MAGI1: variants seen among roughly 807,000 people sequenced by gnomAD.
The protein encoded by MAGI1 is membrane-associated guanylate kinase, WW and PDZ domain-containing protein 1.
MAGI1 carries 58 observed loss-of-function variants against 139.9 expected under a neutral mutation model. That is an observed-to-expected ratio of 0.41 (90% confidence interval 0.34 to 0.52). The LOEUF is 0.52. MAGI1 is among the 20% of genes least tolerant of loss of function. The pLI is 0.12. For synonymous variants in MAGI1, 812 were observed against 737.9 expected (o/e 1.10, Z -1.63); for missense variants, 1,874 against 1,901.6 (o/e 0.99, Z 0.27).
intron 1 of MAGI1, among the ~76,000 whole-genome samples, chr3:65,888,184 C>A (rs2060605617): frequency 6.6e-6 from 1 of 152,142 alleles, no homozygotes; most frequent in African/African-American, 2.4e-5. Flanking sequence ...GTGTGAAGGC[C>A]CTGAACTTCA....
intron 1 of MAGI1, among the ~76,000 whole-genome samples, chr3:65,693,127 T>C (rs1440001647): frequency 6.6e-6 from 1 of 152,134 alleles, no homozygotes; most frequent in Admixed American, 6.5e-5. Context: ...AAAATTTTTA[T>C]ACAGATGGGG....
chr3:65,532,400 C>T (rs892979577), intron 2 of MAGI1, among the ~76,000 whole-genome samples: 13 of 152,294 alleles, frequency 8.5e-5, no homozygotes, highest in African/African-American at 2.2e-4. Context: ...CCCGTGCTTT[C>T]GAACACTCAA....
intron 2 of MAGI1, among the ~76,000 whole-genome samples, chr3:65,500,472 A>G (rs1187350865): frequency 1.3e-5 from 2 of 152,208 alleles, no homozygotes; most frequent in Admixed American, 1.3e-4. Context: ...CTGGCTTCAG[A>G]GACTCCTGCT....
At chr3:65,512,774 GAA>G (rs1415103916) in intron 2 of MAGI1, among the ~76,000 whole-genome samples, 2 of 147,928 alleles carry the variant, frequency 1.4e-5, no homozygotes, top group African/African-American at 5.0e-5. Context: ...CCAATCAATA[GAA>G]AAAGAGGGAA....
chr3:65,629,107 C>T (rs1335822850), intron 1 of MAGI1, among the ~76,000 whole-genome samples: 1 of 152,074 alleles, frequency 6.6e-6, no homozygotes, highest in Non-Finnish European at 1.5e-5. Flanking sequence ...TTACCAGAAG[C>T]ATCTTTTCAA....
chr3:65,422,455 G>C (rs1049089992), intron 12 of MAGI1, among the ~76,000 whole-genome samples: 1 of 152,132 alleles, frequency 6.6e-6, no homozygotes, highest in African/African-American at 2.4e-5. Context: ...CTGTGTGACT[G>C]GGGGGTGGTC....
At chr3:65,905,572 G>A (rs1359230708) in intron 1 of MAGI1, among the ~76,000 whole-genome samples, 5 of 152,014 alleles carry the variant, frequency 3.3e-5, no homozygotes, top group East Asian at 1.9e-4. Flanking sequence ...GAACTCCTGG[G>A]CTCAAATGAT....
chr3:65,810,507 G>A (rs892220264), intron 1 of MAGI1, among the ~76,000 whole-genome samples: 5 of 152,336 alleles, frequency 3.3e-5, no homozygotes, highest in African/African-American at 7.2e-5. Context: ...CAAGAAACTC[G>A]TAACCACAAC....
intron 1 of MAGI1, among the ~76,000 whole-genome samples, chr3:65,679,383 T>C (rs1559779698): frequency 1.3e-5 from 2 of 152,126 alleles, no homozygotes; most frequent in South Asian, 2.1e-4. Flanking sequence ...CTTCCTTAAC[T>C]GCATTCCTAT....
chr3:65,768,426 AAAAAG>A (rs1559863621), intron 1 of MAGI1, among the ~76,000 whole-genome samples: 1 of 152,208 alleles, frequency 6.6e-6, no homozygotes, highest in Non-Finnish European at 1.5e-5. Flanking sequence ...TCTCAAAAAA[AAAAAG>A]AAATTACTTA....
chr3:65,687,995 G>A, intron 1 of MAGI1: 4 of 827,188 alleles, frequency 4.8e-6, no homozygotes, highest in Non-Finnish European at 6.2e-6. Flanking sequence ...AGGACTTGAG[G>A]GTTTCGTTTT....
At chr3:65,438,461 C>G (rs923128375) in intron 9 of MAGI1, among the ~76,000 whole-genome samples, 3 of 152,222 alleles carry the variant, frequency 2.0e-5, no homozygotes, top group African/African-American at 7.2e-5. Flanking sequence ...AAAGTCCACA[C>G]TTCACCACCA....
intron 2 of MAGI1, among the ~76,000 whole-genome samples, chr3:65,512,547 A>C (rs1428579388): frequency 6.6e-6 from 1 of 152,150 alleles, no homozygotes; most frequent in Non-Finnish European, 1.5e-5. Flanking sequence ...AATAAAATAG[A>C]AAATCTAGAA....
At position 65,356,997 on chromosome 3, in the gene MAGI1, C is replaced by T; in HGVS notation, c.3770G>A (p.Gly1257Glu). ...PPDLHKSSPHGEKRAHARDPK... is the reference protein window; with the variant it reads ...PPDLHKSSPHEEKRAHARDPK... ...ATCCCTTGCGTGTGCCCGCTTTTCC[C>T]CATGTGGTGATGATTTGTGAAGATC... The change falls in exon 23 of 23, where the codon GGG becomes GAG. Residue 1257 changes from glycine to glutamate, a missense_variant. By Grantham distance (98) the Gly-to-Glu change is moderately conservative. Coordinates refer to ENST00000402939, the MANE Select transcript of MAGI1 (RefSeq NM_001033057.2). 1 of 1,614,180 alleles carries T rather than the reference C, an allele frequency of 6.2e-7. No homozygotes were observed. Among genetic ancestry groups the T allele is most frequent in the Non-Finnish European group, 8.5e-7 (1 of 1,180,012 alleles).
intron 2 of MAGI1, among the ~76,000 whole-genome samples, chr3:65,505,027 T>G (rs2077225624): frequency 6.6e-6 from 1 of 152,112 alleles, no homozygotes; most frequent in Admixed American, 6.5e-5. Context: ...GAAATCAACT[T>G]TTGAGGATTA....
Position 65,382,058 on chromosome 3 carries a change from A to G in MAGI1, c.2520T>C (p.Gly840=). The G allele has an allele frequency of 6.2e-7, 1 of 1,610,230 alleles. No individual in the cohort carries two copies. Reference sequence around the variant, plus strand: ...CAGCAGCACCCAGTGGTACGATGTGACCAATATAAATCTGTTGAGTAATTG... The same window carrying G: ...CAGCAGCACCCAGTGGTACGATGTGGCCAATATAAATCTGTTGAGTAATTG... The part of the protein sequence containing the change: ...GNEPGEPIYI[G]HIVPLGAADT... The change falls in exon 16 of 23, where the codon GGT becomes GGC. Residue 840 remains glycine, a synonymous_variant. Coordinates refer to ENST00000402939, the MANE Select transcript of MAGI1 (RefSeq NM_001033057.2).
intron 1 of MAGI1, among the ~76,000 whole-genome samples, chr3:65,689,771 C>T (rs931549408): frequency 6.6e-6 from 1 of 152,220 alleles, no homozygotes; most frequent in Non-Finnish European, 1.5e-5. Context: ...AGTAATCTAA[C>T]TAACCTAATT....
intron 2 of MAGI1, among the ~76,000 whole-genome samples, chr3:65,560,910 C>T (rs2080315211): frequency 1.3e-5 from 2 of 152,218 alleles, no homozygotes; most frequent in South Asian, 2.1e-4. Context: ...TAAATTTTTG[C>T]ATCAGCACAA....
chr3:65,830,883 A>C (rs1353472842), intron 1 of MAGI1, among the ~76,000 whole-genome samples: 2 of 152,158 alleles, frequency 1.3e-5, no homozygotes, highest in East Asian at 3.9e-4. Flanking sequence ...AACTGAAGCA[A>C]ACAAGCATGC....
Sources: gnomAD v4.1 joint callset for allele counts (sites outside exome capture counted in the v4.1 genomes callset) on GRCh38, gnomAD v4.1.1 for gene constraint, MANE v1.5 for transcripts, NCBI Gene and HGNC (gene_info 2026-07-23, HGNC 2026-07-21) for gene names.